OPRM1: variants seen among roughly 807,000 people sequenced by gnomAD.
OPRM1 encodes mu-type opioid receptor.
A neutral mutation model predicts 31.8 loss-of-function variants in OPRM1; 27 were observed. The observed-to-expected ratio is 0.85, with a 90% CI of 0.63 to 1.17. The LOEUF is 1.17. Ranked by LOEUF, OPRM1 falls within the 50% of genes most tolerant of loss-of-function variation. The probability of loss-of-function intolerance (pLI) is 0.00; values close to 1 mark genes in which losing one functional copy is unlikely to be tolerated. For missense variants in OPRM1, 536 were observed against 511.1 expected (o/e 1.05, Z -0.47); for synonymous variants, 196 against 189.9 (o/e 1.03, Z -0.26).
At chr6:154,135,003 T>C (rs967309120), downstream of OPRM1, among the ~76,000 whole-genome samples, 1 of 152,224 alleles carries the variant, frequency 6.6e-6, no homozygotes. Context: ...CCAGAGCCAG[T>C]CTGGTGGCCA....
At chr6:154,103,962 A>C (rs115298507) in intron 3 of OPRM1, among the ~76,000 whole-genome samples, 2,087 of 152,298 alleles carry the variant, frequency 0.014, 56 homozygotes, top group African/African-American at 0.048. Context: ...AATGCAGCCC[A>C]ATAGGTTTCA....
chr6:154,194,506 A>G (rs938245988), intron 3 of OPRM1, among the ~76,000 whole-genome samples: 7 of 151,956 alleles, frequency 4.6e-5, no homozygotes, highest in African/African-American at 7.3e-5. Flanking sequence ...TCCTTTTTCA[A>G]TTATGACCTC....
rs147695580 is a variant in OPRM1, at chr6:154,020,680, G to A, written c.-1+9662G>A. On this transcript the variant is annotated intron_variant, in intron 1 of 5. Transcript: ENST00000434900. ...GCATTCCCACCAGCAATGAATGAGA[G>A]TTCTTACCGCACCAGCATTTGGTGG... Among the ~76,000 whole-genome samples the A allele has an allele frequency of 5.2e-3, 790 of 152,252 alleles. 6 individuals carry two copies. Among genetic ancestry groups the A allele is most frequent in the Non-Finnish European group, 6.8e-3 (460 of 68,006 alleles).
At chr6:154,223,594 C>A (rs1035377589) in intron 3 of OPRM1, among the ~76,000 whole-genome samples, 2 of 152,190 alleles carry the variant, frequency 1.3e-5, no homozygotes, top group Admixed American at 6.5e-5. Context: ...GCATCCACAG[C>A]ATCTTCTATT....
chr6:154,028,703 T>A (rs1778842005), intron 1 of OPRM1, among the ~76,000 whole-genome samples: 1 of 152,160 alleles, frequency 6.6e-6, no homozygotes, highest in Non-Finnish European at 1.5e-5. Flanking sequence ...AGGCATCAAC[T>A]GAGTTGGTCC....
At chr6:154,243,532 T>TG (rs1306930827) in intron 3 of OPRM1, among the ~76,000 whole-genome samples, 10 of 152,218 alleles carry the variant, frequency 6.6e-5, no homozygotes, top group Non-Finnish European at 1.3e-4. Flanking sequence ...GAGGCTGGTC[T>TG]TCCCAGGCAG....
chr6:154,066,978 T>G (rs1390138189), intron 1 of OPRM1, among the ~76,000 whole-genome samples: 3 of 152,164 alleles, frequency 2.0e-5, no homozygotes, highest in Non-Finnish European at 4.4e-5. Context: ...CATAGAACTC[T>G]CTTGTAAACA....
At chr6:154,190,647 G>A (rs1425982967) in intron 3 of OPRM1, among the ~76,000 whole-genome samples, 2 of 152,132 alleles carry the variant, frequency 1.3e-5, no homozygotes, top group Admixed American at 1.3e-4. Context: ...TCCAGCAATT[G>A]TACTCATTGC....
chr6:154,016,830 C>A (rs79582093), intron 1 of OPRM1, among the ~76,000 whole-genome samples: 1 of 152,126 alleles, frequency 6.6e-6, no homozygotes, highest in Non-Finnish European at 1.5e-5. Flanking sequence ...CAGAAAGAGA[C>A]GGAGTCTGGT....
intron 3 of OPRM1, among the ~76,000 whole-genome samples, chr6:154,150,226 A>G (rs371015863): frequency 8.5e-5 from 13 of 152,188 alleles, no homozygotes; most frequent in African/African-American, 3.1e-4. Context: ...CTTGCCCAGC[A>G]TGAATTCCTG....
chr6:154,066,412 T>C (rs1046651959), intron 1 of OPRM1, among the ~76,000 whole-genome samples: 3 of 152,124 alleles, frequency 2.0e-5, no homozygotes, highest in Admixed American at 1.3e-4. Flanking sequence ...CTTTTGTTTA[T>C]TGGGAGATGT....
intron 1 of OPRM1, among the ~76,000 whole-genome samples, chr6:154,017,938 A>G (rs921606383): frequency 1.3e-5 from 2 of 152,146 alleles, no homozygotes; most frequent in African/African-American, 4.8e-5. Context: ...TCAATCAAAC[A>G]GTACGTATTC....
At chr6:154,072,961 A>C (rs1242453274) in intron 1 of OPRM1, among the ~76,000 whole-genome samples, 1 of 152,222 alleles carries the variant, frequency 6.6e-6, no homozygotes, top group Non-Finnish European at 1.5e-5. Flanking sequence ...GCTGAATCTC[A>C]AAGAAAGAGA....
intron 3 of OPRM1, among the ~76,000 whole-genome samples, chr6:154,199,169 A>G (rs756910237): frequency 6.6e-6 from 1 of 152,246 alleles, no homozygotes; most frequent in African/African-American, 2.4e-5. Flanking sequence ...CACAAAGTGC[A>G]TGCAAATTGT....
chr6:154,090,249 C>G (rs897415759), intron 2 of OPRM1, 71 bp downstream of exon 2: 1 of 1,003,502 alleles, frequency 1.0e-6, no homozygotes, highest in African/African-American at 1.6e-5. Flanking sequence ...ATAAGCAAAG[C>G]AGTATTTATG....
At chr6:154,212,531 A>G (rs961465380) in intron 3 of OPRM1, among the ~76,000 whole-genome samples, 25 of 152,204 alleles carry the variant, frequency 1.6e-4, no homozygotes, top group African/African-American at 5.8e-4. Flanking sequence ...ATCCTCATGA[A>G]TTCTCTGAGT....
At chr6:154,193,961 A>C (rs1001871291) in intron 3 of OPRM1, among the ~76,000 whole-genome samples, 1 of 108,970 alleles carries the variant, frequency 9.2e-6, no homozygotes, top group Admixed American at 8.2e-5. Context: ...GACTTCAAAG[A>C]CTTTTTTTTG....
upstream of OPRM1, among the ~76,000 whole-genome samples, chr6:154,035,733 C>T (rs1052481382): frequency 2.0e-5 from 3 of 152,034 alleles, no homozygotes; most frequent in East Asian, 1.9e-4. Context: ...TAGCACTTTC[C>T]TGGGATTCAT....
At chr6:154,055,798 T>C (rs1783152593) in intron 1 of OPRM1, among the ~76,000 whole-genome samples, 1 of 152,096 alleles carries the variant, frequency 6.6e-6, no homozygotes, top group Non-Finnish European at 1.5e-5. Flanking sequence ...ATAAAGTGAG[T>C]AGGGGAAAAA....
Sources: allele counts gnomAD v4.1 joint callset (sites outside exome capture counted in the v4.1 genomes callset), GRCh38; gene constraint gnomAD v4.1.1; transcripts MANE v1.5; gene names NCBI Gene and HGNC (gene_info 2026-07-23, HGNC 2026-07-21).